TGFBR3: variants seen among roughly 807,000 people sequenced by gnomAD.
TGFBR3 encodes the protein transforming growth factor beta receptor 3, also known as transforming growth factor beta receptor type 3.
TGFBR3 carries 46 observed loss-of-function variants against 87.9 expected under a neutral mutation model. That is an observed-to-expected ratio of 0.52 (90% CI 0.41 to 0.67). TGFBR3 has a LOEUF of 0.67. Ranked by LOEUF, TGFBR3 falls within the 30% of genes least tolerant of loss-of-function variation. The pLI, the probability that TGFBR3 is intolerant of heterozygous loss-of-function variation, is 0.00. For synonymous variants in TGFBR3, 381 were observed against 391.6 expected (o/e 0.97, Z 0.32); for missense variants, 866 against 1,041.9 (o/e 0.83, Z 2.32).
intron 2 of TGFBR3, among the ~76,000 whole-genome samples, chr1:91,832,050 T>C (rs1427595076): frequency 6.6e-6 from 1 of 152,230 alleles, no homozygotes; most frequent in African/African-American, 2.4e-5. Flanking sequence ...AATCTAATAA[T>C]AGAGCAGACT....
chr1:91,826,333 G>A (rs927111385), intron 2 of TGFBR3, among the ~76,000 whole-genome samples: 2 of 152,156 alleles, frequency 1.3e-5, no homozygotes, highest in Non-Finnish European at 2.9e-5. Context: ...GGTCCTGTTA[G>A]ATGTGCATTT....
In TGFBR3 at chr1:91,727,618, AT is replaced by A. The variant is rs538850727; in HGVS notation, c.885+40del. On this transcript the variant is annotated intron_variant, in intron 7 of 16. Transcript: ENST00000212355. ...ATAAAGTACAGCTTAAATTGTTGTC[AT>A]TTATCTAAACAAAACAAAAGACATG... 385 of 1,611,700 alleles carry A rather than the reference AT, an allele frequency of 2.4e-4. 4 individuals are homozygous for A. In the African/African-American group the frequency reaches 4.2e-3, roughly 18 times the overall value.
chr1:91,744,373 G>A (rs1426424288), intron 4 of TGFBR3, among the ~76,000 whole-genome samples: 1 of 152,110 alleles, frequency 6.6e-6, no homozygotes, highest in Non-Finnish European at 1.5e-5. Context: ...GGCACGAGGA[G>A]CCATGCCCAG....
In TGFBR3 at chr1:91,817,524, C is replaced by T. The variant is rs529503174; in HGVS notation, c.62-20053G>A. 2.6e-5 allele frequency among the ~76,000 whole-genome samples: 4 copies of T among 152,290 alleles called. No individual in the cohort carries two copies. The East Asian group carries it at 7.7e-4, about 29-fold the overall frequency. ...CTTGTTTGTTTGTTTTCAAATTCTG[C>T]TTTTTGAAATTACTCACTTGATTTT... is the stretch of plus-strand genomic sequence containing the variant. On this transcript the variant is annotated intron_variant, in intron 2 of 16. Coordinates refer to ENST00000212355, the MANE Select transcript of TGFBR3 (RefSeq NM_003243.5).
intron 2 of TGFBR3, among the ~76,000 whole-genome samples, chr1:91,858,583 G>A (rs956030627): frequency 1.5e-4 from 19 of 126,124 alleles, no homozygotes; most frequent in African/African-American, 5.2e-4. Context: ...CCACTGCACT[G>A]TAGCCGGGGC....
chr1:91,870,048 G>T (rs1354730100), intron 1 of TGFBR3, among the ~76,000 whole-genome samples: 1 of 152,098 alleles, frequency 6.6e-6, no homozygotes, highest in Non-Finnish European at 1.5e-5. Context: ...GGCAACATAA[G>T]AATAAACAGA....
chr1:91,849,864 C>T (rs549274161), intron 2 of TGFBR3, among the ~76,000 whole-genome samples: 13 of 151,958 alleles, frequency 8.6e-5, no homozygotes, highest in Non-Finnish European at 1.6e-4. Context: ...GGGCCGATCA[C>T]GAGGTCAGGA....
chr1:91,882,417 G>A (rs371667358), intron 1 of TGFBR3, among the ~76,000 whole-genome samples: 2 of 151,440 alleles, frequency 1.3e-5, no homozygotes, highest in East Asian at 2.0e-4. Context: ...GATTACAGGC[G>A]TGAGCCACCA....
At chr1:91,704,694 C>T (rs962387557) in intron 14 of TGFBR3, among the ~76,000 whole-genome samples, 3 of 152,234 alleles carry the variant, frequency 2.0e-5, no homozygotes, top group Admixed American at 1.3e-4. Flanking sequence ...CAGCTTTAAA[C>T]TTTCATCTAT....
upstream of TGFBR3, among the ~76,000 whole-genome samples, chr1:91,886,857 C>G (rs918689918): frequency 5.3e-5 from 8 of 151,876 alleles, no homozygotes; most frequent in Non-Finnish European, 1.2e-4. Flanking sequence ...CGGCGTTACC[C>G]GGAGGTGGGC....
chr1:91,811,323 T>A (rs1676021632), intron 2 of TGFBR3, among the ~76,000 whole-genome samples: 1 of 151,612 alleles, frequency 6.6e-6, no homozygotes, highest in Non-Finnish European at 1.5e-5. Flanking sequence ...AAAAATAAAT[T>A]AATAATAATA....
At chr1:91,685,711 C>T (rs991489757) in intron 16 of TGFBR3, among the ~76,000 whole-genome samples, 1 of 152,136 alleles carries the variant, frequency 6.6e-6, no homozygotes, top group Non-Finnish European at 1.5e-5. Context: ...ATAATTAAGG[C>T]TGGGGAAATT....
At chr1:91,685,847 A>G (rs2100688740) in intron 16 of TGFBR3, among the ~76,000 whole-genome samples, 1 of 152,228 alleles carries the variant, frequency 6.6e-6, no homozygotes, top group Admixed American at 6.5e-5. Flanking sequence ...CAGAGACCCA[A>G]ACAACTCTAG....
chr1:91,705,225 CTTT>C (rs35620891), intron 14 of TGFBR3, among the ~76,000 whole-genome samples: 4 of 135,920 alleles, frequency 2.9e-5, no homozygotes, highest in Non-Finnish European at 4.7e-5. Context: ...AGTCTCTTTT[CTTT>C]TTTTTTTTTT....
intron 15 of TGFBR3, 47 bp from the exon 16 acceptor site, chr1:91,695,826 A>C (rs1481916301): frequency 7.6e-6 from 11 of 1,445,704 alleles, no homozygotes; most frequent in Middle Eastern, 1.7e-4. Flanking sequence ...GTTAGTCTGC[A>C]TCATGCATTG....
At chr1:91,835,581 C>T (rs1677027619) in intron 2 of TGFBR3, among the ~76,000 whole-genome samples, 1 of 152,050 alleles carries the variant, frequency 6.6e-6, no homozygotes, top group Admixed American at 6.5e-5. Flanking sequence ...CTAATCCCAG[C>T]ACTTTGGGAG....
At chr1:91,812,822 C>T (rs1676076696) in intron 2 of TGFBR3, among the ~76,000 whole-genome samples, 1 of 152,134 alleles carries the variant, frequency 6.6e-6, no homozygotes, top group Non-Finnish European at 1.5e-5. Context: ...CCATGTTGGC[C>T]AGGCTGGTCT....
In TGFBR3 at chr1:91,714,107, C is replaced by T. The variant is rs1465466764; in HGVS notation, c.1867-1565G>A. Among the ~76,000 whole-genome samples the T allele has an allele frequency of 3.3e-5, 5 of 151,768 alleles. No homozygotes were observed. The South Asian group carries it at 6.3e-4, about 19-fold the overall frequency. On this transcript the variant is annotated intron_variant, in intron 12 of 16. Transcript: ENST00000212355. ...CCAGAAGTGAGTAGGAGAAGGACTA[C>T]GGGCTTTGTAGTGAGACGAGCTCAT...
chr1:91,865,533 T>C (rs1189701329), intron 1 of TGFBR3, among the ~76,000 whole-genome samples: 1 of 152,218 alleles, frequency 6.6e-6, no homozygotes, highest in Non-Finnish European at 1.5e-5. Flanking sequence ...TTTCCCCACA[T>C]TTCAAAGCAA....
Sources: allele counts gnomAD v4.1 joint callset (sites outside exome capture counted in the v4.1 genomes callset), GRCh38; gene constraint gnomAD v4.1.1; transcripts MANE v1.5; gene names NCBI Gene and HGNC (gene_info 2026-07-23, HGNC 2026-07-21).